The following CNTNAP5 variants were observed in gnomAD, a reference collection of about 807,000 sequenced individuals.
CNTNAP5 encodes the protein contactin associated protein family member 5.
A neutral mutation model predicts 150.2 loss-of-function variants in CNTNAP5; 72 were observed. That is an observed-to-expected ratio of 0.48 (90% CI 0.40 to 0.58). The LOEUF (loss-of-function observed/expected upper bound fraction) is 0.58, where lower values mean the gene tolerates loss of function less well. Ranked by LOEUF, CNTNAP5 falls within the 20% of genes least tolerant of loss-of-function variation. CNTNAP5 has a pLI of 0.00. For synonymous variants in CNTNAP5, 672 were observed against 619.8 expected, an observed-to-expected ratio of 1.08 and a Z score of -1.25; for missense variants, 1,636 against 1,626.2, an observed-to-expected ratio of 1.01 and a Z score of -0.10.
intron 13 of CNTNAP5, among the ~76,000 whole-genome samples, chr2:124,728,131 C>CA: frequency 6.6e-6 from 1 of 152,002 alleles, no homozygotes; most frequent in Non-Finnish European, 1.5e-5. Flanking sequence ...GTTGAACAAT[C>CA]CTTTTATCTC....
Position 124,028,729 on chromosome 2 carries a change from G to T in CNTNAP5, c.82+2997G>T, listed in dbSNP as rs560389418. ...TGATAGTTGGTTAAAGTGAAACTGG[G>T]AGTTAGAAGAGCTGAGGAGTTCTAG... On this transcript the variant is annotated intron_variant, in intron 1 of 23. Coordinates refer to ENST00000682447, the MANE Select transcript of CNTNAP5 (RefSeq NM_001367498.1). 8.9e-4 allele frequency among the ~76,000 whole-genome samples: 136 copies of T among 152,210 alleles called. 1 individual carries two copies. The highest frequency in any genetic ancestry group is 8.1e-3 in the South Asian group (39 of 4,828).
At chr2:124,470,950 A>G (rs934912604) in intron 6 of CNTNAP5, among the ~76,000 whole-genome samples, 6 of 152,148 alleles carry the variant, frequency 3.9e-5, no homozygotes, top group African/African-American at 9.7e-5. Context: ...TTATGCCAGT[A>G]CCATGCTGTT....
At chr2:124,170,237 A>AATAT (rs141418496) in intron 1 of CNTNAP5, among the ~76,000 whole-genome samples, 2 of 142,574 alleles carry the variant, frequency 1.4e-5, no homozygotes, top group East Asian at 2.1e-4. Context: ...TTATGTCTTA[A>AATAT]ATATATATAT....
At chr2:124,706,820 AG>A (rs1377755302) in intron 13 of CNTNAP5, among the ~76,000 whole-genome samples, 3 of 4,228 alleles carry the variant, frequency 7.1e-4, no homozygotes, top group Admixed American at 2.6e-3. Context: ...GAGGAGGAGG[AG>A]GAGGAAGAGG....
At chr2:124,356,072 C>T (rs906886638) in intron 3 of CNTNAP5, among the ~76,000 whole-genome samples, 1 of 152,034 alleles carries the variant, frequency 6.6e-6, no homozygotes, top group Non-Finnish European at 1.5e-5. Context: ...TCTTTCTAAG[C>T]CTTGGTAGTC....
intron 11 of CNTNAP5, among the ~76,000 whole-genome samples, chr2:124,569,743 C>T (rs1347940511): frequency 6.6e-6 from 1 of 152,218 alleles, no homozygotes; most frequent in African/African-American, 2.4e-5. Flanking sequence ...AGAAGGATGT[C>T]AGCTTTCTTC....
At chr2:124,808,078 C>G (rs919527586) in intron 19 of CNTNAP5, among the ~76,000 whole-genome samples, 1 of 152,152 alleles carries the variant, frequency 6.6e-6, no homozygotes, top group Non-Finnish European at 1.5e-5. Flanking sequence ...GCCTCCAGCT[C>G]CGATACCCAC....
At position 124,873,612 on chromosome 2, in the gene CNTNAP5, C is replaced by T. The variant is rs375871251; in HGVS notation, c.3436+3850C>T. On this transcript the variant is annotated intron_variant, in intron 21 of 23. Coordinates refer to ENST00000682447, the MANE Select transcript of CNTNAP5 (RefSeq NM_001367498.1). The stretch of plus-strand genomic sequence containing the variant: ...TCAGGCTTATTATTTAGAAAGGACG[C>T]TAATCCTGGGGGACCTTTGGAACAA... Among the ~76,000 whole-genome samples, 44 of 152,138 alleles carry T rather than the reference C, an allele frequency of 2.9e-4. 1 individual carries two copies. The highest frequency in any genetic ancestry group is 3.4e-3 in the Middle Eastern group (1 of 294).
chr2:124,583,233 A>C (rs1696454027), intron 11 of CNTNAP5, among the ~76,000 whole-genome samples: 1 of 152,214 alleles, frequency 6.6e-6, no homozygotes, highest in South Asian at 2.1e-4. Context: ...CTGGCCCTGC[A>C]CCATTTTTCT....
chr2:124,180,995 C>T (rs982404299), intron 1 of CNTNAP5, among the ~76,000 whole-genome samples: 1 of 151,460 alleles, frequency 6.6e-6, no homozygotes, highest in Non-Finnish European at 1.5e-5. Flanking sequence ...AAGTCCCCTT[C>T]TGTAAGAGAA....
chr2:124,116,509 G>C (rs1211545060), intron 1 of CNTNAP5, among the ~76,000 whole-genome samples: 2 of 152,210 alleles, frequency 1.3e-5, no homozygotes, highest in Non-Finnish European at 2.9e-5. Flanking sequence ...CCCCTGAGGT[G>C]AGCTTCGTTG....
rs1686073167 is a variant in CNTNAP5 at position 124,213,464 on chromosome 2, A to G, written c.83-8241A>G. The stretch of plus-strand genomic sequence containing the variant: ...CAACAGGATAGAACTTGTGTCTTTC[A>G]TCCTTTCACTCAACAAAGAAGTATT... On this transcript the variant is annotated intron_variant, in intron 1 of 23. Coordinates refer to ENST00000682447, the MANE Select transcript of CNTNAP5 (RefSeq NM_001367498.1). Among the ~76,000 whole-genome samples the G allele has an allele frequency of 2.0e-5, 3 of 152,232 alleles. No homozygotes were observed. In the South Asian group the frequency reaches 6.2e-4, roughly 31 times the overall value.
chr2:124,719,111 G>C (rs1405669837), intron 13 of CNTNAP5, among the ~76,000 whole-genome samples: 1 of 152,044 alleles, frequency 6.6e-6, no homozygotes, highest in African/African-American at 2.4e-5. Context: ...GTCTGTCAAG[G>C]CCAGGTTTAA....
chr2:124,843,652 T>A (rs1004393400), intron 19 of CNTNAP5, among the ~76,000 whole-genome samples: 3 of 152,116 alleles, frequency 2.0e-5, no homozygotes, highest in African/African-American at 7.2e-5. Flanking sequence ...CCCTGTTCAC[T>A]GCATCCATGC....
intron 3 of CNTNAP5, among the ~76,000 whole-genome samples, chr2:124,256,142 T>C (rs1687308858): frequency 6.6e-6 from 1 of 152,130 alleles, no homozygotes; most frequent in Admixed American, 6.5e-5. Context: ...TTACATCTGT[T>C]GTTCTAGAGT....
intron 11 of CNTNAP5, among the ~76,000 whole-genome samples, chr2:124,577,718 G>A (rs897418124): frequency 1.3e-5 from 2 of 152,160 alleles, no homozygotes; most frequent in African/African-American, 4.8e-5. Context: ...CAAACAAGGA[G>A]AAGGAGATGA....
At chr2:124,061,924 A>G (rs1682019919) in intron 1 of CNTNAP5, among the ~76,000 whole-genome samples, 1 of 152,106 alleles carries the variant, frequency 6.6e-6, no homozygotes, top group Non-Finnish European at 1.5e-5. Flanking sequence ...CCTACTATCC[A>G]ATGAGCAGGA....
intron 11 of CNTNAP5, among the ~76,000 whole-genome samples, chr2:124,565,082 T>G (rs1270691230): frequency 6.6e-6 from 1 of 152,122 alleles, no homozygotes; most frequent in African/African-American, 2.4e-5. Flanking sequence ...GTTGATATTC[T>G]CATCTTTAAA....
chr2:124,221,040 G>A (rs1686296040), intron 1 of CNTNAP5, among the ~76,000 whole-genome samples: 1 of 152,052 alleles, frequency 6.6e-6, no homozygotes, highest in Admixed American at 6.6e-5. Flanking sequence ...CCTCATCAAA[G>A]AATCCTTAGA....
Sources: allele counts gnomAD v4.1 joint callset (sites outside exome capture counted in the v4.1 genomes callset), GRCh38; gene constraint gnomAD v4.1.1; transcripts MANE v1.5; gene names NCBI Gene and HGNC (gene_info 2026-07-23, HGNC 2026-07-21).